POLA1: variants seen among roughly 807,000 people sequenced by gnomAD.
POLA1 encodes DNA polymerase alpha catalytic subunit.
In POLA1, 15 loss-of-function variants were observed where a neutral mutation model predicts 124.0. The observed-to-expected ratio is 0.12, with a 90% CI of 0.08 to 0.19. POLA1 has a LOEUF of 0.19. Among genes scored for constraint, POLA1 ranks in the 10% least tolerant of loss-of-function variants. POLA1 has a pLI of 1.00. For missense variants in POLA1, 886 were observed against 1,103.4 expected (o/e 0.80, Z 2.79); for synonymous variants, 408 against 389.4 (o/e 1.05, Z -0.56).
At chrX:24,834,130 A>G (rs1322809182) in intron 32 of POLA1, among the ~76,000 whole-genome samples, 2 of 97,001 alleles carry the variant, frequency 2.1e-5, no homozygotes, top group Non-Finnish European at 4.2e-5. Context: ...AAAAAAAAAA[A>G]GGAAGAAGAC....
intron 26 of POLA1, among the ~76,000 whole-genome samples, chrX:24,754,890 T>A (rs1932518542): frequency 8.9e-6 from 1 of 112,923 alleles, no homozygotes. Context: ...TTCATTCATG[T>A]TAACTATTGT....
intron 36 of POLA1, among the ~76,000 whole-genome samples, chrX:24,988,811 C>T (rs911718278): frequency 1.8e-5 from 2 of 111,083 alleles, no homozygotes; most frequent in East Asian, 5.6e-4. Flanking sequence ...ACTAAAAATA[C>T]AAAAATTAGC....
chrX:24,990,299 T>C (rs1193056370), intron 36 of POLA1, among the ~76,000 whole-genome samples: 1 of 112,634 alleles, frequency 8.9e-6, no homozygotes, highest in East Asian at 2.8e-4. Context: ...GTGGGCAGAA[T>C]GATTACTAGC....
intron 2 of POLA1, among the ~76,000 whole-genome samples, chrX:24,702,713 C>T (rs1242719264): frequency 8.9e-6 from 1 of 112,240 alleles, no homozygotes; most frequent in Admixed American, 9.5e-5. Flanking sequence ...TTCTGGTTTG[C>T]CTGTAGAATA....
At chrX:24,809,653 T>C (rs1287031696) in intron 26 of POLA1, among the ~76,000 whole-genome samples, 2 of 111,387 alleles carry the variant, frequency 1.8e-5, no homozygotes, top group Non-Finnish European at 1.9e-5. Context: ...AGATATTTTA[T>C]TGTGTGTGTG....
At chrX:24,938,006 G>A (rs1195555230) in intron 36 of POLA1, among the ~76,000 whole-genome samples, 1 of 112,519 alleles carries the variant, frequency 8.9e-6, no homozygotes, top group African/African-American at 3.2e-5. Context: ...GGGGAAAAAA[G>A]CCAAAAAGCA....
chrX:24,740,844 T>C (rs1398136622), intron 20 of POLA1, among the ~76,000 whole-genome samples: 1 of 112,008 alleles, frequency 8.9e-6, no homozygotes, highest in Admixed American at 9.5e-5. Context: ...AATTTCAGTC[T>C]CTGCTTCTGA....
intron 32 of POLA1, among the ~76,000 whole-genome samples, chrX:24,830,246 G>A (rs2046242759): frequency 8.9e-6 from 1 of 111,743 alleles, no homozygotes; most frequent in Admixed American, 9.5e-5. Flanking sequence ...CAAGCATCAA[G>A]TGTTGGTTTA....
intron 4 of POLA1, among the ~76,000 whole-genome samples, chrX:24,712,796 A>G (rs190197229): frequency 1.8e-5 from 2 of 111,774 alleles, no homozygotes; most frequent in Non-Finnish European, 3.8e-5. Flanking sequence ...CTTCTTTACA[A>G]ATGGCTAGCC....
intron 36 of POLA1, among the ~76,000 whole-genome samples, chrX:24,950,987 C>G (rs1255226799): frequency 1.8e-5 from 2 of 111,625 alleles, no homozygotes; most frequent in African/African-American, 3.3e-5. Flanking sequence ...AGACATGTTC[C>G]AATTTCAGAG....
At chrX:24,854,238 G>A (rs1346502094) in intron 34 of POLA1, among the ~76,000 whole-genome samples, 2 of 110,558 alleles carry the variant, frequency 1.8e-5, no homozygotes, top group African/African-American at 6.6e-5. Flanking sequence ...TAGAGACAGG[G>A]TTTCACCATG....
At chrX:24,975,250 T>A (rs957882118) in intron 36 of POLA1, among the ~76,000 whole-genome samples, 1 of 112,511 alleles carries the variant, frequency 8.9e-6, no homozygotes, top group Non-Finnish European at 1.9e-5. Context: ...GACCTCGTGA[T>A]CCATCCGCCT....
intron 24 of POLA1, 50 bp from the exon 25 acceptor site, chrX:24,748,260 AT>A (rs748382980): frequency 2.0e-6 from 2 of 998,348 alleles, no homozygotes; most frequent in Non-Finnish European, 2.7e-6. Context: ...TACTGTAGAA[AT>A]TTATTTCGCA....
At chrX:24,843,512 G>T (rs2147065017) in intron 33 of POLA1, 34 bp from the exon 34 acceptor site, 1 of 1,110,070 alleles carries the variant, frequency 9.0e-7, no homozygotes, top group East Asian at 3.2e-5. Flanking sequence ...TAGCCTCACA[G>T]TAATTTTTTG....
At chrX:24,851,854 T>G (rs923554126) in intron 34 of POLA1, among the ~76,000 whole-genome samples, 7 of 112,800 alleles carry the variant, frequency 6.2e-5, no homozygotes, top group African/African-American at 2.3e-4. Context: ...AGTAAGAAAT[T>G]GAACCAGAAC....
intron 36 of POLA1, among the ~76,000 whole-genome samples, chrX:24,956,887 A>T (rs764878185): frequency 1.8e-5 from 2 of 112,515 alleles, no homozygotes; most frequent in South Asian, 7.4e-4. Context: ...GCAGTAAAAG[A>T]ATGGAAGGAG....
chrX:24,834,733 C>T (rs977413188), intron 32 of POLA1, among the ~76,000 whole-genome samples: 4 of 111,473 alleles, frequency 3.6e-5, no homozygotes, highest in African/African-American at 1.3e-4. Context: ...GCCGAGATTG[C>T]GCCAGTGTCC....
chrX:24,956,421 A>G (rs1309997164), intron 36 of POLA1, among the ~76,000 whole-genome samples: 1 of 110,233 alleles, frequency 9.1e-6, no homozygotes, highest in Non-Finnish European at 1.9e-5. Context: ...AATAGACTTT[A>G]TAGATTAGTG....
chrX:24,955,445 G>A lies in POLA1; in HGVS notation c.4261+24896G>A, dbSNP rs189263678. Among the ~76,000 whole-genome samples, 3 of 110,675 alleles carry A rather than the reference G, an allele frequency of 2.7e-5. No individual in the cohort carries two copies. In the Admixed American group the frequency reaches 2.9e-4, roughly 11 times the overall value. On this transcript the variant is annotated intron_variant, in intron 36 of 36. Coordinates refer to ENST00000379068, the MANE Select transcript of POLA1 (RefSeq NM_001330360.2). Reference sequence around the variant, plus strand: ...TCCTCTCACCTTGGCCTCCTAATGTGTTGGGATTACAGGTGTGAGCCACCA... The same window carrying A: ...TCCTCTCACCTTGGCCTCCTAATGTATTGGGATTACAGGTGTGAGCCACCA...
Sources: gnomAD v4.1 joint callset for allele counts (sites outside exome capture counted in the v4.1 genomes callset) on GRCh38, gnomAD v4.1.1 for gene constraint, MANE v1.5 for transcripts, NCBI Gene and HGNC (gene_info 2026-07-23, HGNC 2026-07-21) for gene names.